Variants in ANKRD11 observed in about 807,000 individuals in gnomAD.
The protein encoded by ANKRD11 is ankyrin repeat domain-containing protein 11.
ANKRD11 carries 17 observed loss-of-function variants against 195.7 expected under a neutral mutation model. That is an observed-to-expected ratio of 0.09 (90% CI 0.06 to 0.13). ANKRD11 has a LOEUF of 0.13. Ranked by LOEUF, ANKRD11 falls within the 10% of genes least tolerant of loss-of-function variation. The pLI, the probability that ANKRD11 is intolerant of heterozygous loss-of-function variation, is 1.00. For missense variants in ANKRD11, 3,735 were observed against 3,566.1 expected, an observed-to-expected ratio of 1.05 and a Z score of -1.21; for synonymous variants, 1,953 against 1,528.1, an observed-to-expected ratio of 1.28 and a Z score of -6.49.
At chr16:89,445,683 A>C (rs1036344491) in intron 1 of ANKRD11, among the ~76,000 whole-genome samples, 3 of 152,180 alleles carry the variant, frequency 2.0e-5, no homozygotes, top group Non-Finnish European at 4.4e-5. Flanking sequence ...TTTTAAAAAA[A>C]CGATTTTGAG....
intron 1 of ANKRD11, among the ~76,000 whole-genome samples, chr16:89,473,936 A>C (rs1446914157): frequency 6.6e-6 from 1 of 152,230 alleles, no homozygotes; most frequent in Admixed American, 6.5e-5. Flanking sequence ...CCATGACTAC[A>C]TTATGTTACG....
intron 2 of ANKRD11, among the ~76,000 whole-genome samples, chr16:89,371,550 G>T (rs901103117): frequency 6.6e-6 from 1 of 152,158 alleles, no homozygotes; most frequent in African/African-American, 2.4e-5. Context: ...GACCAGCTCA[G>T]ATTCCGCCAT....
chr16:89,441,793 A>AAAAAAAAAC (rs1555581853), intron 1 of ANKRD11, among the ~76,000 whole-genome samples: 1 of 141,848 alleles, frequency 7.0e-6, no homozygotes, highest in Non-Finnish European at 1.5e-5. Context: ...AAAAAAAAAA[A>AAAAAAAAAC]CGCAAACCTG....
At chr16:89,443,709 C>T (rs921552544) in intron 1 of ANKRD11, among the ~76,000 whole-genome samples, 4 of 152,136 alleles carry the variant, frequency 2.6e-5, no homozygotes, top group African/African-American at 9.7e-5. Context: ...TTCTTAAGAG[C>T]GGGAACACCC....
At chr16:89,367,998 A>T (rs75812169) in intron 2 of ANKRD11, among the ~76,000 whole-genome samples, 4,422 of 151,716 alleles carry the variant, frequency 0.029, 146 homozygotes, top group African/African-American at 0.075. Context: ...AACAAGACTC[A>T]CTCTCTCAAA....
intron 2 of ANKRD11, among the ~76,000 whole-genome samples, chr16:89,372,074 T>G (rs955967142): frequency 6.6e-6 from 1 of 152,196 alleles, no homozygotes; most frequent in Non-Finnish European, 1.5e-5. Flanking sequence ...CCAGGTGGAC[T>G]GAGGAACCAC....
In ANKRD11 at chr16:89,285,902, C is replaced by T. The variant is rs1261591558; in HGVS notation, c.892+137G>A. On this transcript the variant is annotated intron_variant, in intron 8 of 12. Transcript: ENST00000301030. This position sits in a 1 kb window ranked among gnomAD's most constrained non-coding sequence, Gnocchi z 5.6. ...CAGTGACACACCTGGGCGGGGTCTCCCGCAGTCCAGAAGCTCCTGTAAGCC... is the reference window on the plus strand; with the variant it reads ...CAGTGACACACCTGGGCGGGGTCTCTCGCAGTCCAGAAGCTCCTGTAAGCC... The T allele has an allele frequency of 3.6e-6, 5 of 1,406,058 alleles. No homozygotes were observed. The highest frequency in any genetic ancestry group is 4.9e-6 in the Non-Finnish European group (5 of 1,012,350). 87.1% of individuals were successfully genotyped at this position (1,406,058 alleles called of 1,614,324 possible).
At chr16:89,334,156 A>AC (rs1463766768) in intron 2 of ANKRD11, among the ~76,000 whole-genome samples, 2 of 138,384 alleles carry the variant, frequency 1.4e-5, no homozygotes, top group Non-Finnish European at 3.1e-5. Context: ...AAAAAAAAAA[A>AC]AAAAAAAAAA....
chr16:89,406,685 G>A (rs572570073), intron 2 of ANKRD11, among the ~76,000 whole-genome samples: 6 of 152,304 alleles, frequency 3.9e-5, no homozygotes, highest in Admixed American at 3.9e-4. Context: ...CATCTGCCTG[G>A]AGGAAGGAAG....
At chr16:89,298,361 C>T (rs2035587169) in intron 4 of ANKRD11, 1 of 152,330 alleles carries the variant, frequency 6.6e-6, no homozygotes, top group Non-Finnish European at 1.5e-5. Flanking sequence ...GGGCACAGGC[C>T]TGCCTGGCCG....
At chr16:89,352,092 T>C (rs1461999344) in intron 2 of ANKRD11, among the ~76,000 whole-genome samples, 1 of 150,870 alleles carries the variant, frequency 6.6e-6, no homozygotes, top group East Asian at 2.0e-4. Context: ...GGTTTCAACA[T>C]GTTGGTCAGA....
At chr16:89,269,409 A>C (rs1475880616) in intron 12 of ANKRD11, among the ~76,000 whole-genome samples, 2 of 152,182 alleles carry the variant, frequency 1.3e-5, no homozygotes, top group African/African-American at 4.8e-5. Context: ...ATATGTATGA[A>C]ATCGTTTTCG....
intron 3 of ANKRD11, among the ~76,000 whole-genome samples, chr16:89,312,530 G>A (rs927730938): frequency 1.3e-5 from 2 of 152,210 alleles, no homozygotes; most frequent in Non-Finnish European, 2.9e-5. Context: ...GAAGAGAAGC[G>A]GATCCAAGTC....
At chr16:89,294,001 C>T (rs571153766) in intron 4 of ANKRD11, among the ~76,000 whole-genome samples, 2 of 152,234 alleles carry the variant, frequency 1.3e-5, no homozygotes, top group Middle Eastern at 3.4e-3. Flanking sequence ...TCCTGCAGGG[C>T]GGCCATCTCA....
intron 6 of ANKRD11, among the ~76,000 whole-genome samples, chr16:89,289,286 T>A (rs1567589717): frequency 2.0e-5 from 3 of 148,806 alleles, no homozygotes; most frequent in African/African-American, 4.9e-5. Context: ...AAAAATGCTT[T>A]AAAAAAAAAA....
chr16:89,332,941 G>C (rs1373725294), intron 2 of ANKRD11, among the ~76,000 whole-genome samples: 2 of 152,190 alleles, frequency 1.3e-5, no homozygotes, highest in East Asian at 1.9e-4. Flanking sequence ...CTCAAGAAAC[G>C]AGCTGCAACA....
At chr16:89,364,377 T>C (rs2039860148) in intron 2 of ANKRD11, among the ~76,000 whole-genome samples, 1 of 152,238 alleles carries the variant, frequency 6.6e-6, no homozygotes, top group Non-Finnish European at 1.5e-5. Flanking sequence ...CACCATGTAT[T>C]GTCTTACACC....
intron 2 of ANKRD11, among the ~76,000 whole-genome samples, chr16:89,367,250 A>G (rs2152071398): frequency 6.6e-6 from 1 of 152,308 alleles, no homozygotes; most frequent in South Asian, 2.1e-4. Flanking sequence ...GCGTTCTCTC[A>G]GGGGTGGGTA....
chr16:89,342,284 A>C (rs1016242458), intron 2 of ANKRD11, among the ~76,000 whole-genome samples: 13 of 152,252 alleles, frequency 8.5e-5, no homozygotes, highest in African/African-American at 3.1e-4. Flanking sequence ...GGTGAATGAG[A>C]GCGGCAGCCC....
Sources: allele counts gnomAD v4.1 joint callset (sites outside exome capture counted in the v4.1 genomes callset), GRCh38; gene constraint gnomAD v4.1.1; non-coding constraint Gnocchi (gnomAD v3.1); transcripts MANE v1.5; gene names NCBI Gene and HGNC (gene_info 2026-07-23, HGNC 2026-07-21).